Variants in RALA observed in about 807,000 individuals in gnomAD.
RALA encodes RAS like proto-oncogene A, also known as ras-related protein Ral-A.
A neutral mutation model predicts 24.0 loss-of-function variants in RALA; 5 were observed. The ratio of observed to expected loss-of-function variants is 0.21; its 90% CI spans 0.11 to 0.44. The LOEUF is 0.44. Ranked by LOEUF, RALA falls within the 20% of genes least tolerant of loss-of-function variation. RALA has a pLI of 0.99. For missense variants in RALA, 95 were observed against 241.2 expected (o/e 0.39, Z 4.01); for synonymous variants, 77 against 83.8 (o/e 0.92, Z 0.44).
At chr7:39,697,065 A>G (rs1792933919) in intron 4 of RALA, among the ~76,000 whole-genome samples, 1 of 152,190 alleles carries the variant, frequency 6.6e-6, no homozygotes, top group African/African-American at 2.4e-5. Context: ...AACATGAGAC[A>G]CTACAGCTAA....
intron 3 of RALA, among the ~76,000 whole-genome samples, chr7:39,695,385 T>C (rs1182486072): frequency 6.6e-6 from 1 of 152,078 alleles, no homozygotes; most frequent in Non-Finnish European, 1.5e-5. Context: ...AAATTTTGTT[T>C]TACTTTTTAT....
intron 1 of RALA, among the ~76,000 whole-genome samples, chr7:39,653,319 CG>C (rs1398398715): frequency 1.3e-5 from 2 of 151,952 alleles, no homozygotes; most frequent in African/African-American, 4.8e-5. Flanking sequence ...TGAGCCACCA[CG>C]CCCGGCCTAT....
chr7:39,631,143 AAC>A (rs1400154299), intron 1 of RALA, among the ~76,000 whole-genome samples: 1 of 150,064 alleles, frequency 6.7e-6, no homozygotes, highest in Non-Finnish European at 1.5e-5. Flanking sequence ...ATGTAGCTGG[AAC>A]CACAGGCGTG....
chr7:39,643,379 A>C (rs1791853567), intron 1 of RALA, among the ~76,000 whole-genome samples: 1 of 152,216 alleles, frequency 6.6e-6, no homozygotes. Flanking sequence ...GCAGGCAGGC[A>C]CATAGGCAGT....
At chr7:39,662,675 A>G (rs529883809) in intron 1 of RALA, among the ~76,000 whole-genome samples, 1 of 152,320 alleles carries the variant, frequency 6.6e-6, no homozygotes, top group South Asian at 2.1e-4. Flanking sequence ...TATCATTATC[A>G]GCATTTGAGT....
chr7:39,646,800 T>G (rs186464496), intron 1 of RALA, among the ~76,000 whole-genome samples: 17 of 152,320 alleles, frequency 1.1e-4, no homozygotes, highest in Admixed American at 6.5e-4. Flanking sequence ...TACAGAACTC[T>G]AGAGCCTCCC....
intron 1 of RALA, among the ~76,000 whole-genome samples, chr7:39,634,069 A>G (rs1791645362): frequency 6.6e-6 from 1 of 152,120 alleles, no homozygotes; most frequent in South Asian, 2.1e-4. Flanking sequence ...GCTGGGTGGT[A>G]GGGTATTTAT....
chr7:39,674,744 C>T (rs1416515530), intron 1 of RALA, among the ~76,000 whole-genome samples: 2 of 151,614 alleles, frequency 1.3e-5, no homozygotes, highest in African/African-American at 4.9e-5. Context: ...GGGGATGGGA[C>T]CCAAGTCTAA....
intron 4 of RALA, among the ~76,000 whole-genome samples, chr7:39,704,602 ACCACCACGCCTGG>A (rs1271307753): frequency 2.6e-5 from 4 of 151,114 alleles, no homozygotes; most frequent in Non-Finnish European, 5.9e-5. Flanking sequence ...ACAGGCATGA[ACCACCACGCCTGG>A]CCAGTCTTAA....
chr7:39,637,782 A>G (rs1047395583), intron 1 of RALA, among the ~76,000 whole-genome samples: 4 of 152,188 alleles, frequency 2.6e-5, no homozygotes, highest in Non-Finnish European at 5.9e-5. Flanking sequence ...TTGAATGCCT[A>G]CATACCCTAC....
chr7:39,668,921 C>T (rs1387716777), intron 1 of RALA, among the ~76,000 whole-genome samples: 1 of 150,070 alleles, frequency 6.7e-6, no homozygotes, highest in Non-Finnish European at 1.5e-5. Context: ...CGAGACCATC[C>T]AGGCCGACAT....
At chr7:39,636,620 A>G (rs965243632) in intron 1 of RALA, among the ~76,000 whole-genome samples, 3 of 152,154 alleles carry the variant, frequency 2.0e-5, no homozygotes, top group Non-Finnish European at 4.4e-5. Flanking sequence ...TTCATCAACA[A>G]AATTTCTGTT....
chr7:39,628,853 C>G (rs945286140), intron 1 of RALA, among the ~76,000 whole-genome samples: 1 of 152,128 alleles, frequency 6.6e-6, no homozygotes, highest in African/African-American at 2.4e-5. Flanking sequence ...CCATGCCTGG[C>G]CAGTTTAATT....
intron 1 of RALA, among the ~76,000 whole-genome samples, chr7:39,635,858 A>G (rs1298239287): frequency 6.6e-6 from 1 of 152,176 alleles, no homozygotes. Flanking sequence ...AGTTCCTAAC[A>G]GGCCACAGAC....
At chr7:39,704,395 C>T (rs1245949388) in intron 4 of RALA, among the ~76,000 whole-genome samples, 1 of 151,734 alleles carries the variant, frequency 6.6e-6, no homozygotes, top group Non-Finnish European at 1.5e-5. Context: ...GATCTCAGCT[C>T]ACCGCAACCT....
chr7:39,685,018 A>G (rs1792673790), intron 1 of RALA, among the ~76,000 whole-genome samples: 1 of 152,148 alleles, frequency 6.6e-6, no homozygotes. Flanking sequence ...TATACTATTA[A>G]GTTGGTGCAA....
intron 1 of RALA, among the ~76,000 whole-genome samples, chr7:39,635,281 G>T (rs1423909969): frequency 6.6e-6 from 1 of 152,138 alleles, no homozygotes; most frequent in African/African-American, 2.4e-5. Flanking sequence ...ATGCTGAGGT[G>T]GGAGGATCGC....
chr7:39,678,056 G>T lies in RALA; in HGVS notation c.-37-8575G>T, dbSNP rs12701754. 1.1e-4 allele frequency among the ~76,000 whole-genome samples: 15 copies of T among 133,154 alleles called. No homozygotes were observed. The East Asian group carries it at 1.8e-3, about 16-fold the overall frequency. 87.4% of individuals were successfully genotyped at this position (133,154 alleles called of 152,430 possible). On this transcript the variant is annotated intron_variant, in intron 1 of 4. Transcript: ENST00000005257. ...TGGGGACTGTGGTGGGGTCGGGGGA[G>T]GGGGGAGGGATAGCATTGGGAGATA... is the stretch of plus-strand genomic sequence containing the variant.
At chr7:39,701,466 A>G (rs1016264057) in intron 4 of RALA, among the ~76,000 whole-genome samples, 3 of 152,150 alleles carry the variant, frequency 2.0e-5, no homozygotes, top group Non-Finnish European at 2.9e-5. Context: ...AGCCGAGATC[A>G]TAACCACTAC....
Sources: gnomAD v4.1 joint callset for allele counts (sites outside exome capture counted in the v4.1 genomes callset) on GRCh38, gnomAD v4.1.1 for gene constraint, MANE v1.5 for transcripts, NCBI Gene and HGNC (gene_info 2026-07-23, HGNC 2026-07-21) for gene names.